The following GALNTL6 variants were observed in gnomAD, a reference collection of about 807,000 sequenced individuals.
GALNTL6 encodes polypeptide N-acetylgalactosaminyltransferase like 6.
GALNTL6 carries 46 observed loss-of-function variants against 73.7 expected under a neutral mutation model. The ratio of observed to expected loss-of-function variants is 0.62; its 90% confidence interval spans 0.49 to 0.80. The LOEUF is 0.80. Among genes scored for constraint, GALNTL6 ranks in the 30% least tolerant of loss-of-function variants. GALNTL6 has a pLI of 0.00. For synonymous variants in GALNTL6, 259 were observed against 263.7 expected (o/e 0.98, Z 0.17); for missense variants, 604 against 755.0 (o/e 0.80, Z 2.34).
chr4:172,286,546 T>G (rs1378189604), intron 3 of GALNTL6, among the ~76,000 whole-genome samples: 1 of 152,204 alleles, frequency 6.6e-6, no homozygotes, highest in South Asian at 2.1e-4. Flanking sequence ...AAAAGCCTTA[T>G]AGATCAAGTT....
intron 5 of GALNTL6, among the ~76,000 whole-genome samples, chr4:172,769,625 GAGAGTTATCTA>G (rs1738640998): frequency 6.6e-6 from 1 of 152,220 alleles, no homozygotes; most frequent in African/African-American, 2.4e-5. Context: ...ATAGAGATCT[GAGAGTTATCTA>G]CTTAGAGAAG....
intron 5 of GALNTL6, among the ~76,000 whole-genome samples, chr4:172,557,156 G>A (rs1372100714): frequency 6.6e-6 from 1 of 152,130 alleles, no homozygotes; most frequent in Non-Finnish European, 1.5e-5. Flanking sequence ...CTTAGGAGTT[G>A]TAAGGAAAAA....
chr4:172,655,535 A>AC (rs1730949140), intron 5 of GALNTL6, among the ~76,000 whole-genome samples: 1 of 152,116 alleles, frequency 6.6e-6, no homozygotes, highest in East Asian at 1.9e-4. Flanking sequence ...TGGGTAAGTA[A>AC]CTTGTCCAAA....
intron 5 of GALNTL6, among the ~76,000 whole-genome samples, chr4:172,541,029 G>GC (rs1322848565): frequency 6.6e-6 from 1 of 152,160 alleles, no homozygotes; most frequent in African/African-American, 2.4e-5. Flanking sequence ...AGACAGCTTT[G>GC]CAGGGTCATT....
At chr4:172,558,810 T>C (rs7699264) in intron 5 of GALNTL6, among the ~76,000 whole-genome samples, 134,660 of 152,026 alleles carry the variant, frequency 0.89, 59,699 homozygotes, top group African/African-American at 0.93. Context: ...TTATCTCATA[T>C]GTCGGTTGCC....
chr4:171,827,401 A>C (rs1354421722), intron 2 of GALNTL6, among the ~76,000 whole-genome samples: 1 of 152,194 alleles, frequency 6.6e-6, no homozygotes, highest in Non-Finnish European at 1.5e-5. Flanking sequence ...CAAGGCTCAG[A>C]AAATTTAAAG....
chr4:172,394,922 A>G (rs192281686), intron 5 of GALNTL6, among the ~76,000 whole-genome samples: 37 of 152,318 alleles, frequency 2.4e-4, no homozygotes, highest in Non-Finnish European at 3.5e-4. Context: ...AGCAATTACT[A>G]TCATTTATAT....
chr4:172,348,221 C>G (rs1741820387), intron 4 of GALNTL6, among the ~76,000 whole-genome samples: 1 of 152,156 alleles, frequency 6.6e-6, no homozygotes, highest in African/African-American at 2.4e-5. Flanking sequence ...ATCCTTATTT[C>G]TATTATATAA....
At chr4:172,942,066 T>A (rs1240945368) in intron 9 of GALNTL6, among the ~76,000 whole-genome samples, 1 of 152,156 alleles carries the variant, frequency 6.6e-6, no homozygotes, top group Non-Finnish European at 1.5e-5. Flanking sequence ...ATACAGAAAG[T>A]AGTTCTAGTT....
At chr4:172,399,778 T>C (rs531840471) in intron 5 of GALNTL6, among the ~76,000 whole-genome samples, 6 of 152,220 alleles carry the variant, frequency 3.9e-5, no homozygotes, top group African/African-American at 7.2e-5. Flanking sequence ...ACCAGCAAAA[T>C]AGAATGTAAC....
chr4:172,956,606 A>C (rs1366069121), intron 10 of GALNTL6, among the ~76,000 whole-genome samples: 2 of 152,196 alleles, frequency 1.3e-5, no homozygotes, highest in East Asian at 3.9e-4. Flanking sequence ...GACAGTAGGG[A>C]TGACAAGTTT....
intron 2 of GALNTL6, among the ~76,000 whole-genome samples, chr4:172,143,100 AAATC>A (rs1289748449): frequency 6.6e-6 from 1 of 152,066 alleles, no homozygotes; most frequent in Non-Finnish European, 1.5e-5. Context: ...AATAGCAAGA[AAATC>A]AATCAAGTCC....
intron 2 of GALNTL6, among the ~76,000 whole-genome samples, chr4:171,995,216 A>G (rs899152473): frequency 1.3e-5 from 2 of 151,994 alleles, no homozygotes; most frequent in Non-Finnish European, 2.9e-5. Context: ...GTTAAATAGA[A>G]AGAATATCAA....
chr4:173,026,663 G>A (rs1250419404), intron 12 of GALNTL6, among the ~76,000 whole-genome samples: 2 of 152,274 alleles, frequency 1.3e-5, no homozygotes, highest in African/African-American at 4.8e-5. Flanking sequence ...TATCTTATTT[G>A]TGCAGCACCT....
At chr4:172,443,123 T>TATAC (rs1554024607) in intron 5 of GALNTL6, among the ~76,000 whole-genome samples, 2 of 56,266 alleles carry the variant, frequency 3.6e-5, no homozygotes, top group Non-Finnish European at 6.3e-5. Flanking sequence ...TCCATATACA[T>TATAC]ATATATATAT....
chr4:172,094,769 T>C (rs925512724), intron 2 of GALNTL6, among the ~76,000 whole-genome samples: 4 of 152,096 alleles, frequency 2.6e-5, no homozygotes, highest in African/African-American at 9.7e-5. Context: ...ATTATTAACG[T>C]CTTAATCATA....
chr4:171,922,160 T>C (rs1171234985), intron 2 of GALNTL6, among the ~76,000 whole-genome samples: 1 of 152,018 alleles, frequency 6.6e-6, no homozygotes, highest in Non-Finnish European at 1.5e-5. Flanking sequence ...TGGTTTTTCT[T>C]TTGTTTCCTT....
intron 4 of GALNTL6, among the ~76,000 whole-genome samples, chr4:172,335,862 A>G (rs981203664): frequency 7.2e-5 from 11 of 152,094 alleles, no homozygotes; most frequent in African/African-American, 2.4e-4. Flanking sequence ...CTAATGGTCT[A>G]TTGATCTTGT....
intron 5 of GALNTL6, among the ~76,000 whole-genome samples, chr4:172,469,528 G>A (rs1197723345): frequency 1.3e-5 from 2 of 152,176 alleles, no homozygotes; most frequent in African/African-American, 2.4e-5. Flanking sequence ...TGGAGGTTGA[G>A]GCAGGAGAAA....
Sources: allele counts gnomAD v4.1 joint callset (sites outside exome capture counted in the v4.1 genomes callset), GRCh38; gene constraint gnomAD v4.1.1; transcripts MANE v1.5; gene names NCBI Gene and HGNC (gene_info 2026-07-23, HGNC 2026-07-21).